KCMF1: variants seen among roughly 807,000 people sequenced by gnomAD.
KCMF1 encodes E3 ubiquitin-protein ligase KCMF1.
Under a neutral mutation model 41.1 loss-of-function variants are expected in KCMF1, and 3 were observed. The ratio of observed to expected loss-of-function variants is 0.07; its 90% CI spans 0.03 to 0.19. The LOEUF (loss-of-function observed/expected upper bound fraction) is 0.19. KCMF1 is among the 10% of genes least tolerant of loss of function. The pLI, the probability that KCMF1 is intolerant of heterozygous loss-of-function variation, is 1.00. For synonymous variants in KCMF1, 142 were observed against 164.5 expected, an observed-to-expected ratio of 0.86 and a Z score of 1.04; for missense variants, 286 against 488.9, an observed-to-expected ratio of 0.58 and a Z score of 3.91.
chr2:85,027,621 C>T (rs543209231), intron 1 of KCMF1, among the ~76,000 whole-genome samples: 13 of 152,052 alleles, frequency 8.5e-5, no homozygotes, highest in South Asian at 2.1e-4. Flanking sequence ...GTGATCCACC[C>T]GCCTCGACCC....
intron 1 of KCMF1, among the ~76,000 whole-genome samples, chr2:85,001,543 T>C (rs1184633741): frequency 2.0e-5 from 3 of 152,204 alleles, no homozygotes; most frequent in Non-Finnish European, 4.4e-5. Context: ...CCTGTTGGGA[T>C]GCTGAACAAT....
At chr2:85,034,991 A>T (rs1363952375) in intron 2 of KCMF1, 25 bp from the exon 3 acceptor site, 3 of 1,567,790 alleles carry the variant, frequency 1.9e-6, no homozygotes, top group African/African-American at 1.4e-5. Flanking sequence ...AATATTCCTC[A>T]ATGCAATTCT....
At chr2:85,033,008 T>A (rs1486146488) in intron 2 of KCMF1, among the ~76,000 whole-genome samples, 1 of 152,214 alleles carries the variant, frequency 6.6e-6, no homozygotes, top group East Asian at 1.9e-4. Context: ...GGGGAAAGCA[T>A]CCAGTCTTTC....
At chr2:84,975,672 A>G (rs916377152) in intron 1 of KCMF1, among the ~76,000 whole-genome samples, 1 of 152,204 alleles carries the variant, frequency 6.6e-6, no homozygotes, top group Non-Finnish European at 1.5e-5. Context: ...CACCCTGCCA[A>G]CACTGTCTAG....
At chr2:85,017,012 C>CTTTTTTTTTTT (rs768880385) in intron 1 of KCMF1, among the ~76,000 whole-genome samples, 1 of 99,526 alleles carries the variant, frequency 1.0e-5, no homozygotes, top group Non-Finnish European at 1.9e-5. Flanking sequence ...AGATCCTCTT[C>CTTTTTTTTTTT]TTTTTTTTTT....
chr2:85,019,214 C>T (rs905516846), intron 1 of KCMF1, among the ~76,000 whole-genome samples: 1 of 152,174 alleles, frequency 6.6e-6, no homozygotes, highest in African/African-American at 2.4e-5. Flanking sequence ...GGGACTGCAG[C>T]AAAGAGCTAA....
At chr2:84,997,764 CTTTTTTTTTTT>C (rs112460793) in intron 1 of KCMF1, among the ~76,000 whole-genome samples, 9 of 80,248 alleles carry the variant, frequency 1.1e-4, no homozygotes, top group South Asian at 4.6e-4. Flanking sequence ...AATACATTTT[CTTTTTTTTTTT>C]TTTTTTTTTT....
At chr2:85,012,670 TA>T (rs1472184071) in intron 1 of KCMF1, among the ~76,000 whole-genome samples, 1 of 152,212 alleles carries the variant, frequency 6.6e-6, no homozygotes, top group Non-Finnish European at 1.5e-5. Flanking sequence ...ACATGCCTCC[TA>T]AACCAGACAT....
intron 6 of KCMF1, among the ~76,000 whole-genome samples, chr2:85,051,961 C>G (rs941882085): frequency 6.6e-6 from 1 of 152,168 alleles, no homozygotes; most frequent in African/African-American, 2.4e-5. Context: ...TTTTCTTTGA[C>G]CAGGGGCAGT....
intron 1 of KCMF1, among the ~76,000 whole-genome samples, chr2:85,023,117 G>C (rs1369944933): frequency 6.6e-6 from 1 of 151,574 alleles, no homozygotes; most frequent in African/African-American, 2.4e-5. Flanking sequence ...TCGATCTCCT[G>C]ACCTCATGAG....
rs758403427 is a variant in KCMF1 at position 85,041,338 on chromosome 2, G to A, written c.325-2226G>A. 1.4e-4 allele frequency among the ~76,000 whole-genome samples: 22 copies of A among 152,268 alleles called. No individual in the cohort carries two copies. The East Asian group carries it at 1.5e-3, about 11-fold the overall frequency. ...TGATTTTATTTTACATCCTTGTCTC[G>A]AAGGTGCTTTTCTACTTGTTAAATT... is the stretch of plus-strand genomic sequence containing the variant. On this transcript the variant is annotated intron_variant, in intron 3 of 6. Transcript: ENST00000409785.
At chr2:85,015,899 C>T (rs1266158061) in intron 1 of KCMF1, among the ~76,000 whole-genome samples, 2 of 152,176 alleles carry the variant, frequency 1.3e-5, no homozygotes, top group Non-Finnish European at 2.9e-5. Flanking sequence ...TTTTTATTCA[C>T]TGCTGTGTCC....
chr2:84,991,556 G>C (rs1248634186), intron 1 of KCMF1, among the ~76,000 whole-genome samples: 1 of 152,196 alleles, frequency 6.6e-6, no homozygotes, highest in Non-Finnish European at 1.5e-5. Context: ...AGTTGCAGGA[G>C]AGTGGTAGAA....
chr2:85,014,209 A>G (rs962545622), intron 1 of KCMF1, among the ~76,000 whole-genome samples: 2 of 152,236 alleles, frequency 1.3e-5, no homozygotes, highest in Non-Finnish European at 2.9e-5. Flanking sequence ...CAATCTCAGG[A>G]TTTCATTCCA....
At chr2:85,029,106 A>G (rs1675196231) in intron 2 of KCMF1, among the ~76,000 whole-genome samples, 1 of 152,086 alleles carries the variant, frequency 6.6e-6, no homozygotes, top group African/African-American at 2.4e-5. Flanking sequence ...AGTAGCTGAG[A>G]CTACAGGTGT....
intron 1 of KCMF1, among the ~76,000 whole-genome samples, chr2:84,997,611 A>C (rs1674208136): frequency 6.6e-6 from 1 of 152,132 alleles, no homozygotes; most frequent in South Asian, 2.1e-4. Context: ...TGAAGGAGGC[A>C]AGGAGCATGA....
At chr2:84,986,049 G>A (rs1673893280) in intron 1 of KCMF1, among the ~76,000 whole-genome samples, 1 of 152,092 alleles carries the variant, frequency 6.6e-6, no homozygotes. Context: ...AATACTAGTT[G>A]TGACCTTCTA....
At chr2:85,018,599 T>C (rs1267276869) in intron 1 of KCMF1, among the ~76,000 whole-genome samples, 6 of 151,804 alleles carry the variant, frequency 4.0e-5, no homozygotes, top group African/African-American at 1.5e-4. Context: ...CAGTGATGGG[T>C]TGCACATGTT....
chr2:84,971,986 C>T (rs1333599889), intron 1 of KCMF1: 32 of 152,102 alleles, frequency 2.1e-4, no homozygotes, highest in Admixed American at 2.1e-3. Context: ...CTGCGGGCGA[C>T]CGCGGGGCTG....
Sources: allele counts gnomAD v4.1 joint callset (sites outside exome capture counted in the v4.1 genomes callset), GRCh38; gene constraint gnomAD v4.1.1; transcripts MANE v1.5; gene names NCBI Gene and HGNC (gene_info 2026-07-23, HGNC 2026-07-21).